CALN1: variants seen among roughly 807,000 people sequenced by gnomAD.
CALN1 encodes the protein calcium-binding protein 8.
CALN1 carries 17 observed loss-of-function variants against 30.6 expected under a neutral mutation model. The observed-to-expected ratio is 0.56, with a 90% CI of 0.38 to 0.83. The LOEUF (loss-of-function observed/expected upper bound fraction) is 0.83, where lower values mean the gene tolerates loss of function less well. Among genes scored for constraint, CALN1 ranks in the 40% least tolerant of loss-of-function variants. The pLI is 0.00. For missense variants in CALN1, 291 were observed against 354.9 expected, an observed-to-expected ratio of 0.82 and a Z score of 1.45; for synonymous variants, 156 against 131.4, an observed-to-expected ratio of 1.19 and a Z score of -1.28.
chr7:72,268,793 C>CCCCACA (rs71515103), intron 3 of CALN1, among the ~76,000 whole-genome samples: 9 of 145,934 alleles, frequency 6.2e-5, no homozygotes, highest in South Asian at 4.4e-4. Context: ...CAAGACCCTG[C>CCCCACA]CACACACACA....
the CALN1 span, among the ~76,000 whole-genome samples, chr7:72,483,397 A>G: frequency 5.5e-5 from 8 of 146,448 alleles, 1 homozygote; most frequent in Non-Finnish European, 1.2e-4. Flanking sequence ...TGATTCTCCT[A>G]TCTCAGCCTC....
intron 3 of CALN1, among the ~76,000 whole-genome samples, chr7:72,231,288 G>T (rs1005510784): frequency 6.6e-6 from 1 of 152,016 alleles, no homozygotes; most frequent in Non-Finnish European, 1.5e-5. Flanking sequence ...CTCCCCCAAC[G>T]CCCCTGTCCA....
intron 2 of CALN1, among the ~76,000 whole-genome samples, chr7:72,303,988 G>T (rs1237504259): frequency 6.6e-6 from 1 of 152,188 alleles, no homozygotes; most frequent in African/African-American, 2.4e-5. Flanking sequence ...TTTTGAATTT[G>T]AAATAGGAGA....
chr7:72,324,506 G>T (rs953456295), intron 2 of CALN1, among the ~76,000 whole-genome samples: 2 of 151,866 alleles, frequency 1.3e-5, no homozygotes, highest in African/African-American at 4.8e-5. Flanking sequence ...GGAGTGGAAA[G>T]CTCATTTTCA....
chr7:72,455,762 G>T, the CALN1 span, among the ~76,000 whole-genome samples: 1 of 152,212 alleles, frequency 6.6e-6, no homozygotes, highest in East Asian at 1.9e-4. Flanking sequence ...AGATTCCCAG[G>T]CTCCAAGCAA....
At chr7:72,388,801 C>T (rs1262808342) in intron 2 of CALN1, among the ~76,000 whole-genome samples, 1 of 152,130 alleles carries the variant, frequency 6.6e-6, no homozygotes, top group Admixed American at 6.5e-5. Flanking sequence ...TCTTGTCACC[C>T]GGTCGCAGGT....
chr7:72,376,118 C>A (rs1288358798), intron 2 of CALN1, among the ~76,000 whole-genome samples: 1 of 152,170 alleles, frequency 6.6e-6, no homozygotes, highest in Non-Finnish European at 1.5e-5. Context: ...TGGATTATAT[C>A]ATCTTCTGTT....
chr7:72,032,471 G>A (rs60790450), intron 4 of CALN1, among the ~76,000 whole-genome samples: 13,310 of 152,128 alleles, frequency 0.087, 682 homozygotes, highest in African/African-American at 0.14. Context: ...GATTACAAGC[G>A]TGATCCACTG....
intron 3 of CALN1, among the ~76,000 whole-genome samples, chr7:72,259,434 G>A (rs116990753): frequency 0.016 from 2,431 of 152,090 alleles, 36 homozygotes; most frequent in African/African-American, 0.032. Flanking sequence ...GTCACCACCT[G>A]TACCTCATTA....
At chr7:72,294,900 G>C (rs149445186) in intron 2 of CALN1, among the ~76,000 whole-genome samples, 1 of 152,024 alleles carries the variant, frequency 6.6e-6, no homozygotes, top group Non-Finnish European at 1.5e-5. Flanking sequence ...GGCTATGAAG[G>C]CTAATTTAAT....
chr7:72,466,366 C>A, the CALN1 span, among the ~76,000 whole-genome samples: 2 of 151,976 alleles, frequency 1.3e-5, no homozygotes, highest in Admixed American at 6.6e-5. Flanking sequence ...GTAAGTAGAC[C>A]CCTGGAGAAA....
At chr7:72,075,333 C>A (rs895845219) in intron 4 of CALN1, among the ~76,000 whole-genome samples, 1 of 152,122 alleles carries the variant, frequency 6.6e-6, no homozygotes, top group Non-Finnish European at 1.5e-5. Flanking sequence ...AACCCGGTGG[C>A]CCAGTCAAGT....
chr7:71,897,973 A>C (rs1263624272), intron 5 of CALN1, among the ~76,000 whole-genome samples: 3 of 78,388 alleles, frequency 3.8e-5, no homozygotes, highest in African/African-American at 1.6e-4. Context: ...AACAAAAAAC[A>C]AAAAAAAAAA....
At chr7:72,162,714 G>A (rs548517276) in intron 3 of CALN1, among the ~76,000 whole-genome samples, 3 of 152,154 alleles carry the variant, frequency 2.0e-5, no homozygotes, top group South Asian at 2.1e-4. Context: ...ACTCCACCTT[G>A]GGCAACAGAA....
intron 3 of CALN1, among the ~76,000 whole-genome samples, chr7:72,238,117 C>T (rs1378205625): frequency 6.6e-6 from 1 of 152,182 alleles, no homozygotes; most frequent in Non-Finnish European, 1.5e-5. Context: ...TTAGGGTCTG[C>T]AGGTGTTCAC....
intron 2 of CALN1, among the ~76,000 whole-genome samples, chr7:72,344,392 A>G (rs1255243764): frequency 6.6e-6 from 1 of 152,076 alleles, no homozygotes. Context: ...ATGTCAAAAA[A>G]TATGTTGTAA....
At chr7:71,919,552 C>G (rs1794834103) in intron 5 of CALN1, among the ~76,000 whole-genome samples, 1 of 152,132 alleles carries the variant, frequency 6.6e-6, no homozygotes, top group African/African-American at 2.4e-5. Flanking sequence ...GAGAATATTA[C>G]AATTTTAAGT....
chr7:72,137,700 AGGT>A (rs1809609103), intron 3 of CALN1, among the ~76,000 whole-genome samples: 1 of 152,204 alleles, frequency 6.6e-6, no homozygotes, highest in South Asian at 2.1e-4. Context: ...TCTGTGGATT[AGGT>A]GGTGGTATAT....
At chr7:71,947,186 T>C (rs1053073765) in intron 5 of CALN1, among the ~76,000 whole-genome samples, 2 of 152,060 alleles carry the variant, frequency 1.3e-5, no homozygotes, top group Non-Finnish European at 2.9e-5. Context: ...AATTTTTGTA[T>C]TTTTAGTAGA....
Sources: gnomAD v4.1 joint callset for allele counts (sites outside exome capture counted in the v4.1 genomes callset) on GRCh38, gnomAD v4.1.1 for gene constraint, MANE v1.5 for transcripts, NCBI Gene and HGNC (gene_info 2026-07-23, HGNC 2026-07-21) for gene names.